The following TLL1 variants were observed in gnomAD, a reference collection of about 807,000 sequenced individuals.
The protein encoded by TLL1 is tolloid-like protein 1.
In TLL1, 49 loss-of-function variants were observed where a neutral mutation model predicts 128.2. The ratio of observed to expected loss-of-function variants is 0.38; its 90% CI spans 0.30 to 0.48. TLL1 has a LOEUF of 0.48. Ranked by LOEUF, TLL1 falls within the 20% of genes least tolerant of loss-of-function variation. The pLI, the probability that TLL1 is intolerant of heterozygous loss-of-function variation, is 0.96. For synonymous variants in TLL1, 454 were observed against 418.8 expected, an observed-to-expected ratio of 1.08 and a Z score of -1.03; for missense variants, 1,123 against 1,242.0, an observed-to-expected ratio of 0.90 and a Z score of 1.44.
At position 165,873,875 on chromosome 4, in the gene TLL1, C is replaced by T. The variant is rs368078430; in HGVS notation, c.-30C>T. 3.1e-6 allele frequency: 5 copies of T among 1,612,514 alleles called. No individual in the cohort carries two copies. The South Asian group carries it at 4.4e-5, about 14-fold the overall frequency. ...CCGCGGCTGCCTAACCTCTGGGTCC[C>T]GTCCCCTCCTTTTCCTCCGGGGGAG... On this transcript the variant is annotated 5_prime_UTR_variant, in exon 1 of 21. Transcript: ENST00000061240.
At chr4:165,988,828 AG>A (rs377285240) in intron 1 of TLL1, among the ~76,000 whole-genome samples, 9 of 152,120 alleles carry the variant, frequency 5.9e-5, no homozygotes, top group African/African-American at 7.2e-5. Context: ...AGAGACTCAG[AG>A]GCAATGCCAT....
chr4:166,060,711 C>T (rs998139849), intron 15 of TLL1, among the ~76,000 whole-genome samples: 3 of 152,114 alleles, frequency 2.0e-5, no homozygotes, highest in African/African-American at 4.8e-5. Flanking sequence ...CAGAATATAG[C>T]TTACTCTACT....
chr4:165,968,518 T>C lies in TLL1; in HGVS notation c.170-20863T>C, dbSNP rs1289713344. 2.0e-5 allele frequency among the ~76,000 whole-genome samples: 3 copies of C among 152,198 alleles called. No individual in the cohort carries two copies. The South Asian group carries it at 6.2e-4, about 31-fold the overall frequency. On this transcript the variant is annotated intron_variant, in intron 1 of 20. Transcript: ENST00000061240. ...CACTATTCTATAGAGTAAGGTTATC[T>C]GTTTAAGGTTCAATCCTTACTCTTT...
At chr4:166,048,855 C>T (rs1008074491) in intron 12 of TLL1, among the ~76,000 whole-genome samples, 2 of 152,132 alleles carry the variant, frequency 1.3e-5, no homozygotes, top group Non-Finnish European at 2.9e-5. Context: ...CTTATGAAAA[C>T]CAGAGCTGAT....
rs148157911 is a variant in TLL1 at position 165,944,120 on chromosome 4, C to T, written c.170-45261C>T. On this transcript the variant is annotated intron_variant, in intron 1 of 20. Transcript: ENST00000061240. ...CCAACAGCTGGTTTTAAGCTATGTCCGATGAAAAGATTTTTTAAAATGTAC... is the reference window on the plus strand; with the variant it reads ...CCAACAGCTGGTTTTAAGCTATGTCTGATGAAAAGATTTTTTAAAATGTAC... Among the ~76,000 whole-genome samples the T allele has an allele frequency of 4.2e-3, 644 of 152,128 alleles. 1 individual carries two copies. Among genetic ancestry groups the T allele is most frequent in the Non-Finnish European group, 6.9e-3 (470 of 67,982 alleles).
At chr4:166,075,080 A>G in intron 17 of TLL1, 77 bp downstream of exon 17, 2 of 1,586,376 alleles carry the variant, frequency 1.3e-6, no homozygotes, top group South Asian at 1.1e-5. Context: ...TTCCAAGTAG[A>G]GTTAATCATT....
intron 7 of TLL1, among the ~76,000 whole-genome samples, chr4:166,009,745 T>C (rs142647050): frequency 5.1e-4 from 78 of 151,558 alleles, no homozygotes; most frequent in African/African-American, 1.5e-3. Context: ...TAAATGATTT[T>C]CAGGAAAAGA....
rs534404573 is a variant in TLL1, at chr4:165,912,668, C to T, written c.169+38595C>T. Among the ~76,000 whole-genome samples the T allele has an allele frequency of 6.0e-5, 9 of 149,072 alleles. No individual in the cohort carries two copies. The South Asian group carries it at 1.0e-3, about 17-fold the overall frequency. ...CAGGTTGCCAAGTCGATTTCCTCCT[C>T]GTTCCATAGTTGTTCAATAGAATGT... On this transcript the variant is annotated intron_variant, in intron 1 of 20. Coordinates refer to ENST00000061240, the MANE Select transcript of TLL1 (RefSeq NM_012464.5).
intron 1 of TLL1, among the ~76,000 whole-genome samples, chr4:165,984,119 C>T (rs1736288716): frequency 6.6e-6 from 1 of 151,786 alleles, no homozygotes; most frequent in Non-Finnish European, 1.5e-5. Flanking sequence ...CAGATACTTC[C>T]TTTTCTATTA....
In TLL1 at chr4:165,873,818, C is replaced by T; in HGVS notation, c.-87C>T. ...GAGCCTCCGGGTGGGGAGAAGAGCA[C>T]CGGTGCCCCTAGCCCCGCACATCAG... On this transcript the variant is annotated 5_prime_UTR_variant, in exon 1 of 21. Coordinates refer to ENST00000061240, the MANE Select transcript of TLL1 (RefSeq NM_012464.5). The T allele has an allele frequency of 6.6e-7, 1 of 1,508,300 alleles. No homozygotes were observed. Among genetic ancestry groups the T allele is most frequent in the Non-Finnish European group, 9.2e-7 (1 of 1,091,652 alleles). The allele number at this position is 1,508,300 out of a possible 1,614,324, so 93.4% of individuals were successfully genotyped here. A position where few individuals can be genotyped will look rare whatever the true frequency, so the allele number is the denominator to read the frequency against.
chr4:166,045,161 T>G (rs78895354), intron 12 of TLL1, among the ~76,000 whole-genome samples: 1,870 of 152,322 alleles, frequency 0.012, 42 homozygotes, highest in African/African-American at 0.041. Flanking sequence ...TTTTATTTAT[T>G]GTCTCTAGTT....
In TLL1 at chr4:166,065,780, C is replaced by T. The variant is rs1740542461; in HGVS notation, c.2105C>T (p.Thr702Ile). 3 of 1,613,086 alleles carry T rather than the reference C, an allele frequency of 1.9e-6. No individual in the cohort carries two copies. The highest frequency in any genetic ancestry group is 2.5e-6 in the Non-Finnish European group (3 of 1,179,372). Residue 702 changes from threonine (T) to isoleucine (I), a missense_variant, in exon 16 of 21, where the codon ACA (threonine) becomes ATA (isoleucine). By Grantham distance (89) the Thr-to-Ile change is moderately conservative. This residue lies in a region of TLL1 where 634 missense variants were observed against 672.4 expected (regional missense o/e 0.94). Transcript: ENST00000061240. ...GGCGCTGAAGTGCCTGAAGTGATCA[C>T]ATCCCAGTTCAACAATATGAGAATT... ...FCGAEVPEVI[T>I]SQFNNMRIEF...
chr4:165,953,870 A>G (rs1020961381), intron 1 of TLL1, among the ~76,000 whole-genome samples: 1 of 152,216 alleles, frequency 6.6e-6, no homozygotes, highest in Admixed American at 6.5e-5. Flanking sequence ...AAGCCCAAGA[A>G]GGGATCCTGT....
Position 165,873,904 on chromosome 4 carries a change from G to A in TLL1, c.-1G>A. 2 of 1,613,704 alleles carry A rather than the reference G, an allele frequency of 1.2e-6. No homozygotes were observed. Among genetic ancestry groups the A allele is most frequent in the Non-Finnish European group, 1.7e-6 (2 of 1,179,990 alleles). On this transcript the variant is annotated 5_prime_UTR_variant, in exon 1 of 21. Coordinates refer to ENST00000061240, the MANE Select transcript of TLL1 (RefSeq NM_012464.5). Reference sequence around the variant, plus strand: ...CCCTCCTTTTCCTCCGGGGGAGGAGGATGGGGTTGGGAACGCTTTCCCCGA... The same window carrying A: ...CCCTCCTTTTCCTCCGGGGGAGGAGAATGGGGTTGGGAACGCTTTCCCCGA...
chr4:166,080,662 C>T (rs984561732), intron 18 of TLL1, among the ~76,000 whole-genome samples: 2 of 151,956 alleles, frequency 1.3e-5, no homozygotes, highest in South Asian at 4.2e-4. Flanking sequence ...GGATGCATCT[C>T]TTGTGTTAGG....
chr4:165,973,580 G>A (rs557382175), intron 1 of TLL1, among the ~76,000 whole-genome samples: 66 of 151,926 alleles, frequency 4.3e-4, no homozygotes, highest in Admixed American at 3.2e-3. Flanking sequence ...GGGGAGGTAA[G>A]GGCAGATCTT....
intron 1 of TLL1, among the ~76,000 whole-genome samples, chr4:165,913,606 T>C (rs1475412382): frequency 6.6e-6 from 1 of 152,222 alleles, no homozygotes; most frequent in African/African-American, 2.4e-5. Flanking sequence ...TTTGCTGTTA[T>C]ACAATTTAAC....
chr4:165,961,244 C>A (rs141103467), intron 1 of TLL1, among the ~76,000 whole-genome samples: 503 of 152,110 alleles, frequency 3.3e-3, no homozygotes, highest in Non-Finnish European at 5.7e-3. Context: ...AATAAAATAT[C>A]TAGAAATACA....
chr4:165,879,633 C>T (rs1305203033), intron 1 of TLL1, among the ~76,000 whole-genome samples: 1 of 151,916 alleles, frequency 6.6e-6, no homozygotes, highest in Middle Eastern at 3.2e-3. Flanking sequence ...AAACTAGGAC[C>T]CTCCTTAAGC....
Sources: gnomAD v4.1 joint callset for allele counts (sites outside exome capture counted in the v4.1 genomes callset) on GRCh38, gnomAD v4.1.1 for gene constraint, gnomAD v4.1.1 regional missense constraint, MANE v1.5 for transcripts, NCBI Gene and HGNC (gene_info 2026-07-23, HGNC 2026-07-21) for gene names.